ALG6: variants seen among roughly 807,000 people sequenced by gnomAD.
The protein encoded by ALG6 is dolichyl pyrophosphate Man9GlcNAc2 alpha-1,3-glucosyltransferase.
Under a neutral mutation model 66.6 loss-of-function variants are expected in ALG6, and 46 were observed. That is an observed-to-expected ratio of 0.69 (90% CI 0.55 to 0.88). The LOEUF (loss-of-function observed/expected upper bound fraction) is 0.88. Among genes scored for constraint, ALG6 ranks in the 40% least tolerant of loss-of-function variants. The pLI is 0.00. For synonymous variants in ALG6, 185 were observed against 203.7 expected, an observed-to-expected ratio of 0.91 and a Z score of 0.78; for missense variants, 505 against 586.8, an observed-to-expected ratio of 0.86 and a Z score of 1.44.
At chr1:63,407,661 A>G (rs948466882) in intron 7 of ALG6, among the ~76,000 whole-genome samples, 1 of 152,078 alleles carries the variant, frequency 6.6e-6, no homozygotes, top group Non-Finnish European at 1.5e-5. Context: ...AAAAATCTGT[A>G]TATATCTATC....
At chr1:63,372,645 T>C (rs775107100) in intron 2 of ALG6, among the ~76,000 whole-genome samples, 2 of 152,028 alleles carry the variant, frequency 1.3e-5, no homozygotes, top group African/African-American at 2.4e-5. Flanking sequence ...AGAGAATAAA[T>C]GTGTATGTGT....
rs1644697759 is a variant in ALG6 at position 63,438,275 on chromosome 1, C to G, written c.*1255C>G. 6.6e-6 allele frequency: 1 copy of G among 152,186 alleles called. No homozygotes were observed. The highest frequency in any genetic ancestry group is 2.1e-4 in the South Asian group (1 of 4,822). The allele number at this position is 152,186 out of a possible 1,614,324, so 9.4% of individuals were successfully genotyped here. A position where few individuals can be genotyped will look rare whatever the true frequency, so the allele number is the denominator to read the frequency against. On this transcript the variant is annotated 3_prime_UTR_variant, in exon 15 of 15. Transcript: ENST00000263440. ...CTCAAAGCAAATGTGCATAAAGACT[C>G]AAAGGGCAGGTCAACGCAGAATAGC...
chr1:63,421,939 A>T (rs1296041549), intron 12 of ALG6, among the ~76,000 whole-genome samples: 1 of 150,274 alleles, frequency 6.7e-6, no homozygotes, highest in African/African-American at 2.5e-5. Context: ...TGATGGGTGC[A>T]GCAAACCACC....
At chr1:63,368,700 C>T (rs1362994041) in intron 1 of ALG6, among the ~76,000 whole-genome samples, 2 of 151,980 alleles carry the variant, frequency 1.3e-5, no homozygotes, top group Non-Finnish European at 1.5e-5. Flanking sequence ...GGGGTTTCAC[C>T]ATGTTGACCA....
intron 10 of ALG6, 109 bp downstream of exon 10, chr1:63,414,255 CTTTTT>C: frequency 1.6e-6 from 1 of 619,772 alleles, no homozygotes; most frequent in Non-Finnish European, 2.6e-6. Flanking sequence ...TTTTTCTTTT[CTTTTT>C]TTTTTTTTTG....
At chr1:63,429,690 C>G (rs1263468848) in intron 14 of ALG6, 1 of 152,322 alleles carries the variant, frequency 6.6e-6, no homozygotes, top group African/African-American at 2.4e-5. Context: ...TGGATTAGGG[C>G]CCCATTCTTA....
In ALG6 at chr1:63,387,532, CTTTTTTTTTTTTTT is replaced by C. The variant is rs760731397; in HGVS notation, c.83-8967_83-8954del. Among the ~76,000 whole-genome samples the C allele has an allele frequency of 2.0e-4, 12 of 59,476 alleles. 1 individual carries two copies. Among genetic ancestry groups the C allele is most frequent in the Admixed American group, 1.6e-3 (6 of 3,640 alleles). The allele number at this position is 59,476 out of a possible 152,430, so 39.0% of individuals were successfully genotyped here. A position where few individuals can be genotyped will look rare whatever the true frequency, so the allele number is the denominator to read the frequency against. ...ATATAATGACCTTCTTTGTCTTTCT[CTTTTTTTTTTTTTT>C]TTTTTTTTTTTTTGAGACAGAGTCT... On this transcript the variant is annotated intron_variant, in intron 2 of 14. Transcript: ENST00000263440.
chr1:63,401,160 ATGCCCAGATGTCT>A (rs1486847450), intron 3 of ALG6, among the ~76,000 whole-genome samples: 1 of 152,178 alleles, frequency 6.6e-6, no homozygotes, highest in Non-Finnish European at 1.5e-5. Flanking sequence ...GTAGTACTCT[ATGCCCAGATGTCT>A]TGGCTGTCTA....
chr1:63,385,358 C>T (rs188038066), intron 2 of ALG6, among the ~76,000 whole-genome samples: 19 of 151,692 alleles, frequency 1.3e-4, no homozygotes, highest in East Asian at 5.8e-4. Flanking sequence ...TGCCACCATG[C>T]CCGACAAATT....
intron 6 of ALG6, 137 bp downstream of exon 6, chr1:63,406,536 C>A: frequency 1.3e-6 from 1 of 762,576 alleles, no homozygotes. Flanking sequence ...TCAATTTTCA[C>A]TTCAAAAGCA....
At chr1:63,407,957 A>G (rs1644498280) in intron 7 of ALG6, among the ~76,000 whole-genome samples, 1 of 152,160 alleles carries the variant, frequency 6.6e-6, no homozygotes, top group South Asian at 2.1e-4. Context: ...TGGCTATCAG[A>G]TACTCTGATA....
intron 2 of ALG6, among the ~76,000 whole-genome samples, chr1:63,378,689 C>A (rs1648208220): frequency 6.6e-6 from 1 of 152,044 alleles, no homozygotes; most frequent in South Asian, 2.1e-4. Flanking sequence ...ATTGTATCTT[C>A]CTCATTTTTA....
At chr1:63,383,810 C>T (rs555448855) in intron 2 of ALG6, among the ~76,000 whole-genome samples, 1 of 152,166 alleles carries the variant, frequency 6.6e-6, no homozygotes, top group South Asian at 2.1e-4. Context: ...CATTAATCTT[C>T]CCTACCCCAC....
At position 63,419,415 on chromosome 1, in the gene ALG6, G is replaced by GA. The variant is rs1357535948; in HGVS notation, c.1038dup (p.Ser347IlefsTer15). 3.1e-6 allele frequency: 5 copies of GA among 1,608,346 alleles called. No individual in the cohort carries two copies. Among genetic ancestry groups the GA allele is most frequent in the Admixed American group, 1.7e-5 (1 of 59,738 alleles). On this transcript the variant is annotated frameshift_variant, in exon 12 of 15. Coordinates refer to ENST00000263440, the MANE Select transcript of ALG6 (RefSeq NM_013339.4). LOFTEE classifies it high-confidence loss of function. ...CTTTTTATTTTCTTTCCAAGTACAT[G>GA]AAAAATCCATTCTCTTGGTGTCACT...
At chr1:63,428,527 G>T in intron 12 of ALG6, 1 of 415,980 alleles carries the variant, frequency 2.4e-6, no homozygotes. Flanking sequence ...CAATTATTAT[G>T]AGGAGTTGAC....
At position 63,414,244 on chromosome 1, in the gene ALG6, GT is replaced by G. The variant is rs1214553719; in HGVS notation, c.902+103del. The G allele has an allele frequency of 5.8e-6, 5 of 858,990 alleles. No individual in the cohort carries two copies. In the East Asian group the frequency reaches 8.5e-5, roughly 15 times the overall value. The allele number at this position is 858,990 out of a possible 1,614,324, so 53.2% of individuals were successfully genotyped here. On this transcript the variant is annotated intron_variant, in intron 10 of 14. Transcript: ENST00000263440. ...ATTTGGCATCATTAGGGAATGAGGT[GT>G]TTTTCTTTTCTTTTTTTTTTTTTTG...
intron 2 of ALG6, among the ~76,000 whole-genome samples, chr1:63,385,742 A>G (rs1212302218): frequency 1.3e-5 from 2 of 152,232 alleles, no homozygotes; most frequent in Non-Finnish European, 2.9e-5. Context: ...TTTTCCAAAT[A>G]TAAAATTATA....
chr1:63,371,128 GT>G, intron 2 of ALG6, 69 bp downstream of exon 2: 2 of 1,103,130 alleles, frequency 1.8e-6, no homozygotes, highest in Non-Finnish European at 2.8e-6. Flanking sequence ...TTGGGGAAAA[GT>G]TTACCATTTT....
chr1:63,429,557 C>T (rs964907131), intron 14 of ALG6: 1 of 162,842 alleles, frequency 6.1e-6, no homozygotes, highest in Admixed American at 5.9e-5. Flanking sequence ...AAGGTTCTAC[C>T]ATCAGGGTTG....
Sources: allele counts gnomAD v4.1 joint callset (sites outside exome capture counted in the v4.1 genomes callset), GRCh38; gene constraint gnomAD v4.1.1; transcripts MANE v1.5; gene names NCBI Gene and HGNC (gene_info 2026-07-23, HGNC 2026-07-21).